Variants in ABCG1 observed in about 807,000 individuals in gnomAD.
The protein encoded by ABCG1 is ATP-binding cassette sub-family G member 1.
ABCG1 carries 29 observed loss-of-function variants against 69.2 expected under a neutral mutation model. The observed-to-expected ratio is 0.42, with a 90% CI of 0.31 to 0.57. The LOEUF is 0.57. Ranked by LOEUF, ABCG1 falls within the 20% of genes least tolerant of loss-of-function variation. The pLI, the probability that ABCG1 is intolerant of heterozygous loss-of-function variation, is 0.15. For missense variants in ABCG1, 718 were observed against 898.1 expected (o/e 0.80, Z 2.56); for synonymous variants, 370 against 374.8 (o/e 0.99, Z 0.15).
chr21:42,244,027 A>G (rs2068096357), intron 2 of ABCG1, among the ~76,000 whole-genome samples: 1 of 151,670 alleles, frequency 6.6e-6, no homozygotes, highest in African/African-American at 2.4e-5. Flanking sequence ...CACCATGTTA[A>G]CCAGGATGGT....
chr21:42,238,979 G>A (rs28510925), intron 2 of ABCG1, among the ~76,000 whole-genome samples: 12,738 of 152,244 alleles, frequency 0.084, 884 homozygotes, highest in African/African-American at 0.19. Flanking sequence ...CTCCTTTGTG[G>A]TAATTCTAAA....
At chr21:42,220,222 G>A (rs2067701988) in intron 1 of ABCG1, among the ~76,000 whole-genome samples, 1 of 152,210 alleles carries the variant, frequency 6.6e-6, no homozygotes, top group African/African-American at 2.4e-5. Flanking sequence ...CAAATGGAAA[G>A]TCTTCCGTAT....
chr21:42,220,107 C>A, intron 1 of ABCG1: 1 of 1,465,562 alleles, frequency 6.8e-7, no homozygotes, highest in East Asian at 2.5e-5. Context: ...GCATTAGGAA[C>A]AAACAACAAA....
chr21:42,215,347 C>T (rs1445942350), upstream of ABCG1, among the ~76,000 whole-genome samples: 2 of 152,230 alleles, frequency 1.3e-5, no homozygotes, highest in Non-Finnish European at 2.9e-5. Flanking sequence ...TTCTCCCCTT[C>T]ATGTTCAGCC....
chr21:42,280,080 C>T (rs560580001), intron 5 of ABCG1, among the ~76,000 whole-genome samples: 1 of 152,350 alleles, frequency 6.6e-6, no homozygotes, highest in South Asian at 2.1e-4. Flanking sequence ...GAGAGCCCTC[C>T]CCACAGGACC....
At chr21:42,210,006 T>G (rs1398426839) in intron 2 of ABCG1, among the ~76,000 whole-genome samples, 2 of 151,898 alleles carry the variant, frequency 1.3e-5, no homozygotes, top group Non-Finnish European at 2.9e-5. Flanking sequence ...GGGCAGGATG[T>G]AGGGGCTCCA....
chr21:42,285,983 C>A lies in ABCG1; in HGVS notation c.962C>A (p.Pro321Gln). ...CTGAACTGCCCAACCTACCACAACC[C>A]AGCAGATTTTGGTAAGCGGAGTCCT... is the stretch of plus-strand genomic sequence containing the variant. ...LGLNCPTYHN[P>Q]ADFVMEVASG... Residue 321 changes from proline (P) to glutamine (Q), a missense_variant, in exon 8 of 15, where the codon CCA becomes CAA. Physicochemically the swap from Pro to Gln is moderately conservative, Grantham distance 76. Around this residue, in one of 2 missense-constraint regions of ABCG1, gnomAD observed 514 missense variants for 574.3 expected, o/e 0.90. Transcript: ENST00000398449. The A allele has an allele frequency of 1.3e-5, 21 of 1,612,810 alleles. No homozygotes were observed. Among genetic ancestry groups the A allele is most frequent in the Non-Finnish European group, 1.8e-5 (21 of 1,178,850 alleles).
chr21:42,218,971 G>T, upstream of ABCG1: 1 of 216,132 alleles, frequency 4.6e-6, no homozygotes, highest in South Asian at 1.8e-4. Flanking sequence ...GCCTCGGCTC[G>T]GGCCGCTCCC....
intron 1 of ABCG1, among the ~76,000 whole-genome samples, chr21:42,223,056 A>G (rs1228951356): frequency 2.0e-5 from 3 of 152,188 alleles, no homozygotes; most frequent in Non-Finnish European, 4.4e-5. Flanking sequence ...CAAAACCCGT[A>G]ACCAAGTTGG....
At chr21:42,220,273 T>TA (rs1301608166) in intron 1 of ABCG1, among the ~76,000 whole-genome samples, 2 of 152,234 alleles carry the variant, frequency 1.3e-5, no homozygotes, top group Non-Finnish European at 2.9e-5. Context: ...CTGATATTAC[T>TA]TCCCCGAGGC....
Position 42,276,870 on chromosome 21 carries a change from A to G in ABCG1, c.538-25A>G. The G allele has an allele frequency of 6.2e-7, 1 of 1,613,806 alleles. No individual in the cohort carries two copies. ...GCCAGTGGCCGTCTGTTCTGCTTCC[A>G]CACTGTTGTCCTTGTCCCCTGCAGG... On this transcript the variant is annotated intron_variant, in intron 4 of 14. Coordinates refer to ENST00000398449, the MANE Select transcript of ABCG1 (RefSeq NM_016818.3). The surrounding 1 kb of genome is among the most constrained non-coding windows in gnomAD (Gnocchi z 5.3).
In ABCG1 at chr21:42,276,751, C is replaced by A; in HGVS notation, c.538-144C>A. ...GCTAGCGGCATTGTGGCTAGCTGCACTGTGGGTAGCTGCACCGTGGCTAGT... is the reference window on the plus strand; with the variant it reads ...GCTAGCGGCATTGTGGCTAGCTGCAATGTGGGTAGCTGCACCGTGGCTAGT... On this transcript the variant is annotated intron_variant, in intron 4 of 14. Transcript: ENST00000398449. This position sits in a 1 kb window ranked among gnomAD's most constrained non-coding sequence, Gnocchi z 5.3. The A allele has an allele frequency of 1.3e-6, 1 of 770,514 alleles. No homozygotes were observed. Among genetic ancestry groups the A allele is most frequent in the Non-Finnish European group, 2.2e-6 (1 of 456,950 alleles). 47.7% of individuals were successfully genotyped at this position (770,514 alleles called of 1,614,324 possible).
upstream of ABCG1, among the ~76,000 whole-genome samples, chr21:42,214,139 C>G (rs911804620): frequency 6.6e-6 from 1 of 152,210 alleles, no homozygotes; most frequent in African/African-American, 2.4e-5. Flanking sequence ...GGACTTAATG[C>G]TCAGTGTGAT....
intron 2 of ABCG1, among the ~76,000 whole-genome samples, chr21:42,231,165 G>A (rs986679128): frequency 1.3e-5 from 2 of 152,196 alleles, no homozygotes; most frequent in African/African-American, 4.8e-5. Context: ...TTCTCACCAG[G>A]AAGGGGAGGC....
At chr21:42,274,636 G>A (rs1274032976) in intron 4 of ABCG1, among the ~76,000 whole-genome samples, 10 of 152,086 alleles carry the variant, frequency 6.6e-5, no homozygotes, top group East Asian at 3.9e-4. Flanking sequence ...CACCATGCCC[G>A]GCTGATTTGT....
rs1339650332 is a variant in ABCG1, at chr21:42,287,389, G to A, written c.974-500G>A. Among the ~76,000 whole-genome samples the A allele has an allele frequency of 6.6e-6, 1 of 152,156 alleles. No homozygotes were observed. Among genetic ancestry groups the A allele is most frequent in the Non-Finnish European group, 1.5e-5 (1 of 68,020 alleles). The stretch of plus-strand genomic sequence containing the variant: ...GGGATCTGAGAGGTGCAGGTTGAGG[G>A]TCCCAGGACCTCCAAGTCCCCAGGG... On this transcript the variant is annotated intron_variant, in intron 8 of 14. Coordinates refer to ENST00000398449, the MANE Select transcript of ABCG1 (RefSeq NM_016818.3). The surrounding 1 kb of genome is among the most constrained non-coding windows in gnomAD (Gnocchi z 6.2).
chr21:42,256,020 T>C, intron 2 of ABCG1: 1 of 543,938 alleles, frequency 1.8e-6, no homozygotes, highest in Non-Finnish European at 2.8e-6. Flanking sequence ...CCTAGAGCAG[T>C]AGCAGCCATT....
chr21:42,227,637 A>G (rs566353976), intron 2 of ABCG1, among the ~76,000 whole-genome samples: 20 of 152,354 alleles, frequency 1.3e-4, no homozygotes, highest in African/African-American at 4.8e-4. Flanking sequence ...GTTTGCAAGC[A>G]GTGAGTATCG....
In ABCG1 at chr21:42,296,532, T is replaced by C. The variant is rs2069214535; in HGVS notation, c.*140T>C. 2.8e-6 allele frequency: 2 copies of C among 723,500 alleles called. No homozygotes were observed. Among genetic ancestry groups the C allele is most frequent in the Non-Finnish European group, 4.7e-6 (2 of 428,810 alleles). The allele number at this position is 723,500 out of a possible 1,614,324, so 44.8% of individuals were successfully genotyped here. On this transcript the variant is annotated 3_prime_UTR_variant, in exon 15 of 15. Coordinates refer to ENST00000398449, the MANE Select transcript of ABCG1 (RefSeq NM_016818.3). The surrounding 1 kb of genome is among the most constrained non-coding windows in gnomAD (Gnocchi z 5.4). ...CCTAGAACCGCGTTGGGTTTGTGGG[T>C]GTCTCGTGCTCAGCCACTCTGCCCA...
Sources: gnomAD v4.1 joint callset for allele counts (sites outside exome capture counted in the v4.1 genomes callset) on GRCh38, gnomAD v4.1.1 for gene constraint, gnomAD v4.1.1 regional missense constraint, Gnocchi (gnomAD v3.1) non-coding constraint, MANE v1.5 for transcripts, NCBI Gene and HGNC (gene_info 2026-07-23, HGNC 2026-07-21) for gene names.